Variants in TMEM217B observed in about 807,000 individuals in gnomAD.
The protein encoded by TMEM217B is transmembrane protein 217B.
the TMEM217B span, among the ~76,000 whole-genome samples, chr6:37,229,871 T>C: frequency 6.6e-6 from 1 of 152,180 alleles, no homozygotes; most frequent in African/African-American, 2.4e-5. Flanking sequence ...CAGTTCCAGT[T>C]GCCTCAATAC....
the TMEM217B span, among the ~76,000 whole-genome samples, chr6:37,229,005 A>C: frequency 6.6e-6 from 1 of 152,070 alleles, no homozygotes; most frequent in Non-Finnish European, 1.5e-5. Flanking sequence ...TCAAAAAAAA[A>C]ACAAAAAACA....
chr6:37,245,405 G>A, the TMEM217B span, among the ~76,000 whole-genome samples: 1 of 152,246 alleles, frequency 6.6e-6, no homozygotes, highest in African/African-American at 2.4e-5. Flanking sequence ...CCCATTAGTG[G>A]AATGGATTCT....
the TMEM217B span, among the ~76,000 whole-genome samples, chr6:37,222,599 C>G: frequency 1.3e-5 from 2 of 152,234 alleles, no homozygotes; most frequent in Non-Finnish European, 2.9e-5. Context: ...AGCCGTGGGT[C>G]CTGGCAGCTG....
At chr6:37,228,640 G>A in the TMEM217B span, among the ~76,000 whole-genome samples, 1 of 151,214 alleles carries the variant, frequency 6.6e-6, no homozygotes. Flanking sequence ...GGAGGCGGAG[G>A]TTGCAGTGAG....
chr6:37,236,901 C>G, the TMEM217B span, among the ~76,000 whole-genome samples: 1 of 152,164 alleles, frequency 6.6e-6, no homozygotes, highest in East Asian at 1.9e-4. Flanking sequence ...GGCGATTGCT[C>G]TTGGCTGTCA....
the TMEM217B span, chr6:37,212,882 T>C: frequency 1.3e-6 from 2 of 1,505,216 alleles, no homozygotes; most frequent in Non-Finnish European, 1.8e-6. Context: ...CAAATGTGTG[T>C]CTTCTGGTTC....
chr6:37,256,139 G>T, the TMEM217B span, among the ~76,000 whole-genome samples: 1 of 152,220 alleles, frequency 6.6e-6, no homozygotes, highest in Non-Finnish European at 1.5e-5. Context: ...ATGTGCATAA[G>T]CTGGAAAGTG....
At chr6:37,257,439 T>C in the TMEM217B span, 1 of 153,776 alleles carries the variant, frequency 6.5e-6, no homozygotes, top group Admixed American at 6.5e-5. Flanking sequence ...GGCCCTTACT[T>C]TTAGGTGAAA....
At chr6:37,231,174 C>T in the TMEM217B span, among the ~76,000 whole-genome samples, 1 of 151,664 alleles carries the variant, frequency 6.6e-6, no homozygotes, top group Non-Finnish European at 1.5e-5. Flanking sequence ...ATTCTCCTGC[C>T]TCAGCCTTGC....
chr6:37,225,173 C>A, the TMEM217B span, among the ~76,000 whole-genome samples: 426 of 151,948 alleles, frequency 2.8e-3, 3 homozygotes, highest in African/African-American at 7.3e-3. Context: ...GCACTCCAGC[C>A]TCGGTGACAG....
At chr6:37,242,008 ATTT>A in the TMEM217B span, among the ~76,000 whole-genome samples, 10 of 129,982 alleles carry the variant, frequency 7.7e-5, no homozygotes, top group Admixed American at 1.6e-4. Context: ...TTCGATCTCA[ATTT>A]TTTTTTTTTT....
chr6:37,229,535 G>A, the TMEM217B span, among the ~76,000 whole-genome samples: 240 of 151,828 alleles, frequency 1.6e-3, no homozygotes, highest in African/African-American at 5.5e-3. Context: ...GTAGAAACGG[G>A]GTTTCACCGT....
chr6:37,252,313 A>G, the TMEM217B span, among the ~76,000 whole-genome samples: 3 of 152,172 alleles, frequency 2.0e-5, no homozygotes, highest in East Asian at 5.8e-4. Flanking sequence ...CAGCCCCGAG[A>G]GCTTATTTAT....
the TMEM217B span, among the ~76,000 whole-genome samples, chr6:37,257,249 G>C: frequency 6.6e-6 from 1 of 152,272 alleles, no homozygotes; most frequent in South Asian, 2.1e-4. Flanking sequence ...CAGAGGGAGA[G>C]GGAGACTCTG....
At chr6:37,244,562 AAGTC>A in the TMEM217B span, among the ~76,000 whole-genome samples, 150 of 152,316 alleles carry the variant, frequency 9.8e-4, 1 homozygote, top group East Asian at 5.8e-4. Flanking sequence ...TTCTCTGTGT[AAGTC>A]AGAGCAAGCA....
the TMEM217B span, among the ~76,000 whole-genome samples, chr6:37,254,653 C>G: frequency 6.6e-6 from 1 of 152,192 alleles, no homozygotes; most frequent in East Asian, 1.9e-4. Context: ...AATCGAAAGA[C>G]AAGAAATATT....
chr6:37,246,750 T>A, the TMEM217B span, among the ~76,000 whole-genome samples: 4 of 151,854 alleles, frequency 2.6e-5, no homozygotes, highest in Non-Finnish European at 1.5e-5. Flanking sequence ...AAAATAATTT[T>A]AAAAATTAGC....
the TMEM217B span, among the ~76,000 whole-genome samples, chr6:37,253,218 A>T: frequency 6.6e-6 from 1 of 152,158 alleles, no homozygotes; most frequent in Non-Finnish European, 1.5e-5. Context: ...TATAAACTGC[A>T]CACCATAATT....
the TMEM217B span, among the ~76,000 whole-genome samples, chr6:37,247,375 G>A: frequency 4.5e-4 from 63 of 139,094 alleles, no homozygotes; most frequent in East Asian, 0.013. Flanking sequence ...GTCAATAAAG[G>A]GCGAACTTTT....
Sources: allele counts gnomAD v4.1 joint callset (sites outside exome capture counted in the v4.1 genomes callset), GRCh38; gene constraint gnomAD v4.1.1; transcripts MANE v1.5; gene names NCBI Gene and HGNC (gene_info 2026-07-23, HGNC 2026-07-21).